Variants in CPOX observed in about 807,000 individuals in gnomAD.
CPOX encodes oxygen-dependent coproporphyrinogen-III oxidase, mitochondrial.
In CPOX, 24 loss-of-function variants were observed where a neutral mutation model predicts 48.9. That is an observed-to-expected ratio of 0.49 (90% confidence interval 0.36 to 0.69). The LOEUF (loss-of-function observed/expected upper bound fraction) is 0.69. Ranked by LOEUF, CPOX falls within the 30% of genes least tolerant of loss-of-function variation. The pLI is 0.00. For synonymous variants in CPOX, 249 were observed against 234.6 expected, an observed-to-expected ratio of 1.06 and a Z score of -0.56; for missense variants, 549 against 597.3, an observed-to-expected ratio of 0.92 and a Z score of 0.84.
intron 3 of CPOX, among the ~76,000 whole-genome samples, chr3:98,590,171 G>T (rs1378777488): frequency 6.6e-6 from 1 of 152,152 alleles, no homozygotes; most frequent in Non-Finnish European, 1.5e-5. Context: ...TTTTTGAGAC[G>T]GAGTCTCGCT....
At chr3:98,575,374 G>A (rs1403243572), downstream of CPOX, among the ~76,000 whole-genome samples, 1 of 152,200 alleles carries the variant, frequency 6.6e-6, no homozygotes, top group East Asian at 1.9e-4. Flanking sequence ...AACAGTAAAA[G>A]AATTATTGAA....
Position 98,585,558 on chromosome 3 carries a change from C to T in CPOX, c.1055G>A (p.Arg352His), listed in dbSNP as rs376372510. ...AGCCCTGGCACAGCTCTGTACAAAG[C>T]GAAACACCTCCTCCTTGGACGGAGA... is the stretch of plus-strand genomic sequence containing the variant. ...LDSPSKEEVF[R>H]FVQSCARAVV... is the part of the protein sequence containing the mutation. The change falls in exon 5 of 7, where the codon CGC becomes CAC. Residue 352 changes from arginine to histidine, a missense_variant. By Grantham distance (29) the Arg-to-His change is conservative. Coordinates refer to ENST00000647941, the MANE Select transcript of CPOX (RefSeq NM_000097.7). The T allele has an allele frequency of 1.2e-5, 20 of 1,614,068 alleles. No homozygotes were observed. The highest frequency in any genetic ancestry group is 3.3e-5 in the South Asian group (3 of 91,064).
At chr3:98,573,390 A>G in the CPOX span, among the ~76,000 whole-genome samples, 4 of 152,140 alleles carry the variant, frequency 2.6e-5, no homozygotes, top group Non-Finnish European at 2.9e-5. Context: ...AATCTGTCCA[A>G]CAACAGCATA....
chr3:98,590,708 A>G lies in CPOX; in HGVS notation c.735T>C (p.Ser245=), dbSNP rs1707462674. Residue 245 remains serine (S), a synonymous_variant, in exon 3 of 7, where the codon TCT becomes TCC. Coordinates refer to ENST00000647941, the MANE Select transcript of CPOX (RefSeq NM_000097.7). ...KLPFCAMGVS[S]VIHPKNPHAP... ...CATGAGGATTCTTGGGGTGGATAAC[A>G]GAGCTCACGCCCATAGCACAAAATG... 1 of 1,614,110 alleles carries G rather than the reference A, an allele frequency of 6.2e-7. No individual in the cohort carries two copies. The highest frequency in any genetic ancestry group is 8.5e-7 in the Non-Finnish European group (1 of 1,179,962).
chr3:98,571,620 G>A, the CPOX span, among the ~76,000 whole-genome samples: 1 of 149,446 alleles, frequency 6.7e-6, no homozygotes, highest in Non-Finnish European at 1.5e-5. Flanking sequence ...CCCGGGAGGC[G>A]GAGCTTGCAG....
At chr3:98,592,928 G>A in intron 1 of CPOX, 21 bp downstream of exon 1, 3 of 1,605,274 alleles carry the variant, frequency 1.9e-6, no homozygotes, top group East Asian at 2.3e-5. Context: ...TCCAACTCCC[G>A]CCAGGGGCCG....
chr3:98,585,369 C>T (rs1707341235), intron 5 of CPOX, 72 bp downstream of exon 5: 8 of 1,170,720 alleles, frequency 6.8e-6, no homozygotes, highest in Non-Finnish European at 1.0e-5. Flanking sequence ...GACAACACAA[C>T]ACCCGCTATT....
At chr3:98,578,124 G>T, downstream of CPOX, 1 of 322,196 alleles carries the variant, frequency 3.1e-6, no homozygotes, top group South Asian at 1.2e-4. Flanking sequence ...GTGCACTGTG[G>T]TCTTCAGGTA....
chr3:98,576,543 G>C (rs186096240), downstream of CPOX, among the ~76,000 whole-genome samples: 20 of 152,236 alleles, frequency 1.3e-4, no homozygotes, highest in African/African-American at 4.8e-4. Flanking sequence ...TTGATTTCAG[G>C]TAACAATACA....
chr3:98,588,148 G>A (rs1707402658), intron 4 of CPOX, among the ~76,000 whole-genome samples: 1 of 152,166 alleles, frequency 6.6e-6, no homozygotes, highest in African/African-American at 2.4e-5. Flanking sequence ...AAGCAGAATT[G>A]AGTACTTTAC....
intron 6 of CPOX, 64 bp downstream of exon 6, chr3:98,581,341 CAT>C: frequency 2.6e-6 from 3 of 1,159,278 alleles, no homozygotes; most frequent in South Asian, 2.5e-5. Context: ...TGTTAACTTT[CAT>C]ATTTTGTGGG....
chr3:98,578,343 G>T, downstream of CPOX: 1 of 382,634 alleles, frequency 2.6e-6, no homozygotes, highest in Non-Finnish European at 3.6e-6. Flanking sequence ...AAATAGGCTA[G>T]CATTTTAGCA....
intron 4 of CPOX, among the ~76,000 whole-genome samples, chr3:98,586,980 AG>A (rs1443605192): frequency 6.6e-6 from 1 of 152,178 alleles, no homozygotes; most frequent in Non-Finnish European, 1.5e-5. Context: ...CAAACAAAAA[AG>A]AAGCCATTTC....
chr3:98,593,179 C>A lies in CPOX; in HGVS notation c.326G>T (p.Arg109Leu), dbSNP rs759285228. 6.2e-7 allele frequency: 1 copy of A among 1,608,876 alleles called. No homozygotes were observed. The highest frequency in any genetic ancestry group is 8.5e-7 in the Non-Finnish European group (1 of 1,178,152). ...AEMLPKTSGT[R>L]ATSLGRPEEE... ...CTCCGGCCTCCCCAGCGAAGTGGCC[C>A]GCGTCCCCGAGGTCTTAGGCAACAT... The change falls in exon 1 of 7, where the codon CGG becomes CTG. Residue 109 changes from arginine to leucine, a missense_variant. Around this residue, in one of 2 missense-constraint regions of CPOX, gnomAD observed 336 missense variants for 318.1 expected, o/e 1.06. Coordinates refer to ENST00000647941, the MANE Select transcript of CPOX (RefSeq NM_000097.7).
In CPOX at chr3:98,580,644, G is replaced by C; in HGVS notation, c.*39C>G. On this transcript the variant is annotated 3_prime_UTR_variant, in exon 7 of 7. Transcript: ENST00000647941. ...ACCAGTGGCATGGGGAGCACACATC[G>C]TGTGCCCTCCAAACCCCTGCACAGC... The C allele has an allele frequency of 6.2e-7, 1 of 1,612,368 alleles. No individual in the cohort carries two copies. Among genetic ancestry groups the C allele is most frequent in the Non-Finnish European group, 8.5e-7 (1 of 1,179,414 alleles).
chr3:98,580,535 A>G lies in CPOX; in HGVS notation c.*148T>C, dbSNP rs1215841561. The G allele has an allele frequency of 6.7e-6, 10 of 1,498,464 alleles. No individual in the cohort carries two copies. The East Asian group carries it at 2.2e-4, about 34-fold the overall frequency. The allele number at this position is 1,498,464 out of a possible 1,614,324, so 92.8% of individuals were successfully genotyped here. A position where few individuals can be genotyped will look rare whatever the true frequency, so the allele number is the denominator to read the frequency against. ...CCATTCATCACTGACAGCATCCAAAACATGTTATCATCTGCCCACGAGGTA... is the reference window on the plus strand; with the variant it reads ...CCATTCATCACTGACAGCATCCAAAGCATGTTATCATCTGCCCACGAGGTA... On this transcript the variant is annotated 3_prime_UTR_variant, in exon 7 of 7. Coordinates refer to ENST00000647941, the MANE Select transcript of CPOX (RefSeq NM_000097.7).
intron 4 of CPOX, among the ~76,000 whole-genome samples, chr3:98,586,683 G>A (rs964629463): frequency 2.2e-4 from 34 of 152,118 alleles, no homozygotes; most frequent in African/African-American, 7.5e-4. Context: ...GGTGGCTGAC[G>A]CCTGTAATCC....
rs1707508591 is a variant in CPOX at position 98,592,967 on chromosome 3, G to A, written c.538C>T (p.Arg180Trp). The change falls in exon 1 of 7, where the codon CGG becomes TGG. Residue 180 changes from arginine to tryptophan, a missense_variant. By Grantham distance (101) the Arg-to-Trp change is moderately radical. This residue lies in a region of CPOX where 336 missense variants were observed against 318.1 expected (regional missense o/e 1.06). Coordinates refer to ENST00000647941, the MANE Select transcript of CPOX (RefSeq NM_000097.7). ...VDGGANFSVD[R>W]WERKEGGGGI... Reference sequence around the variant, plus strand: ...TCCTTACCTTCCTTCCTCTCCCACCGGTCCACAGAAAAGTTGGCGCCCCCG... The same window carrying A: ...TCCTTACCTTCCTTCCTCTCCCACCAGTCCACAGAAAAGTTGGCGCCCCCG... The A allele has an allele frequency of 1.9e-6, 3 of 1,612,980 alleles. No individual in the cohort carries two copies. Among genetic ancestry groups the A allele is most frequent in the Non-Finnish European group, 2.5e-6 (3 of 1,179,652 alleles).
chr3:98,570,678 G>C, the CPOX span, among the ~76,000 whole-genome samples: 3 of 152,114 alleles, frequency 2.0e-5, no homozygotes, highest in African/African-American at 7.2e-5. Flanking sequence ...TTAAATACTT[G>C]ATATACACAT....
Sources: allele counts gnomAD v4.1 joint callset (sites outside exome capture counted in the v4.1 genomes callset), GRCh38; gene constraint gnomAD v4.1.1; regional missense constraint gnomAD v4.1.1; transcripts MANE v1.5; gene names NCBI Gene and HGNC (gene_info 2026-07-23, HGNC 2026-07-21).